The following SRD5A1 variants were observed in gnomAD, a reference collection of about 807,000 sequenced individuals.
SRD5A1 encodes the protein steroid 5 alpha-reductase 1.
In SRD5A1, 22 loss-of-function variants were observed where a neutral mutation model predicts 28.2. That is an observed-to-expected ratio of 0.78 (90% CI 0.56 to 1.12). The LOEUF (loss-of-function observed/expected upper bound fraction) is 1.12. Ranked by LOEUF, SRD5A1 falls within the 50% of genes most tolerant of loss-of-function variation. The probability of loss-of-function intolerance (pLI) is 0.00; values close to 1 mark genes in which losing one functional copy is unlikely to be tolerated. For missense variants in SRD5A1, 300 were observed against 346.7 expected (o/e 0.87, Z 1.07); for synonymous variants, 151 against 135.0 (o/e 1.12, Z -0.82).
intron 1 of SRD5A1, among the ~76,000 whole-genome samples, chr5:6,641,293 G>A (rs1018505875): frequency 3.3e-5 from 5 of 152,122 alleles, no homozygotes; most frequent in Admixed American, 6.5e-5. Flanking sequence ...CCCACCCCAC[G>A]CGAGTTCCAA....
At position 6,633,767 on chromosome 5, in the gene SRD5A1, T is replaced by C. The variant is rs1451887012; in HGVS notation, c.191T>C (p.Leu64Pro). 2 of 1,597,460 alleles carry C rather than the reference T, an allele frequency of 1.3e-6. No homozygotes were observed. The highest frequency in any genetic ancestry group is 2.2e-5 in the South Asian group (2 of 91,040). The change falls in exon 1 of 5, where the codon CTG (leucine) becomes CCG (proline). Residue 64 changes from leucine to proline, a missense_variant. Leu to Pro is a moderately conservative substitution (Grantham distance 98, BLOSUM62 -3). This residue lies in a region of SRD5A1 where 174 missense variants were observed against 160.9 expected (regional missense o/e 1.08). Transcript: ENST00000274192. ...AAWVVQELPS[L>P]ALPLYQYASE... ...TGGGTGGTGCAGGAGCTGCCCTCGCTGGCCCTGCCGCTCTACCAGTACGCC... is the reference window on the plus strand; with the variant it reads ...TGGGTGGTGCAGGAGCTGCCCTCGCCGGCCCTGCCGCTCTACCAGTACGCC...
At chr5:6,662,123 T>A (rs73737154) in intron 3 of SRD5A1, among the ~76,000 whole-genome samples, 5,872 of 152,190 alleles carry the variant, frequency 0.039, 241 homozygotes, top group African/African-American at 0.1. Flanking sequence ...CCTGGAGCAC[T>A]CCTGAGAGCA....
chr5:6,641,305 T>A (rs1193904352), intron 1 of SRD5A1, among the ~76,000 whole-genome samples: 1 of 152,152 alleles, frequency 6.6e-6, no homozygotes, highest in Non-Finnish European at 1.5e-5. Context: ...GAGTTCCAAA[T>A]TGGCCACAGT....
intron 2 of SRD5A1, among the ~76,000 whole-genome samples, chr5:6,652,799 A>C (rs1183111448): frequency 6.7e-6 from 1 of 148,302 alleles, no homozygotes; most frequent in Admixed American, 6.8e-5. Context: ...ACCTGAGGCC[A>C]GGAGATCAAG....
At chr5:6,649,195 CAG>C (rs1738593296) in intron 1 of SRD5A1, among the ~76,000 whole-genome samples, 1 of 152,206 alleles carries the variant, frequency 6.6e-6, no homozygotes, top group Admixed American at 6.5e-5. Flanking sequence ...TGTGGATACA[CAG>C]GGGGTCAGGG....
At chr5:6,653,299 C>A (rs1738733935) in intron 2 of SRD5A1, 1 of 152,186 alleles carries the variant, frequency 6.6e-6, no homozygotes, top group South Asian at 2.1e-4. Context: ...GAAGGCGTTT[C>A]AAGATCCTTT....
intron 1 of SRD5A1, among the ~76,000 whole-genome samples, chr5:6,642,892 A>C (rs1449725857): frequency 6.6e-6 from 1 of 152,246 alleles, no homozygotes; most frequent in African/African-American, 2.4e-5. Flanking sequence ...AACTGATGAT[A>C]GTTGAGTCCA....
intron 3 of SRD5A1, among the ~76,000 whole-genome samples, chr5:6,659,613 C>A (rs693651): frequency 0.079 from 12,061 of 152,124 alleles, 1,220 homozygotes; most frequent in African/African-American, 0.23. Context: ...AGGTACGCAC[C>A]CTATACCGGA....
At chr5:6,652,773 C>G (rs1204981453) in intron 2 of SRD5A1, among the ~76,000 whole-genome samples, 1 of 149,868 alleles carries the variant, frequency 6.7e-6, no homozygotes, top group African/African-American at 2.5e-5. Flanking sequence ...CTCAGAGGCA[C>G]TGAGGTGGGA....
chr5:6,654,316 C>CA (rs1738772324), intron 2 of SRD5A1, among the ~76,000 whole-genome samples: 1 of 152,138 alleles, frequency 6.6e-6, no homozygotes, highest in Non-Finnish European at 1.5e-5. Flanking sequence ...CTCAGCCTCC[C>CA]AAAGTGGTGG....
rs775364968 is a variant in SRD5A1 at position 6,669,695 on chromosome 5, A to T, written c.*1427A>T. The T allele has an allele frequency of 6.6e-6, 1 of 152,234 alleles. No homozygotes were observed. The allele number at this position is 152,234 out of a possible 1,614,324, so 9.4% of individuals were successfully genotyped here. ...ATTTGGAAAGGAGATTTCCTTTAAA[A>T]CAAACAAGCTTATTGGGAATGGCTT... On this transcript the variant is annotated 3_prime_UTR_variant, in exon 5 of 5. Coordinates refer to ENST00000274192, the MANE Select transcript of SRD5A1 (RefSeq NM_001047.4).
Position 6,662,695 on chromosome 5 carries a change from G to A in SRD5A1, c.563-121G>A, listed in dbSNP as rs1167339799. 9 of 1,107,140 alleles carry A rather than the reference G, an allele frequency of 8.1e-6. No homozygotes were observed. The South Asian group carries it at 8.9e-5, about 11-fold the overall frequency. The allele number at this position is 1,107,140 out of a possible 1,614,324, so 68.6% of individuals were successfully genotyped here. On this transcript the variant is annotated intron_variant, in intron 3 of 4. Coordinates refer to ENST00000274192, the MANE Select transcript of SRD5A1 (RefSeq NM_001047.4). ...GATATGTCTTACTGATTAACATTCT[G>A]TAAGGATAATATTTTTCCGTTCTTG...
rs984679686 is a variant in SRD5A1 at position 6,651,560 on chromosome 5, T to G, written c.294-282T>G. On this transcript the variant is annotated intron_variant, in intron 1 of 4. Coordinates refer to ENST00000274192, the MANE Select transcript of SRD5A1 (RefSeq NM_001047.4). ...TTGTAGTCCCAGCTACTCGAGAGGC[T>G]GGGACAGGAAGATCGCTTAAGCCCT... Among the ~76,000 whole-genome samples, 10 of 152,150 alleles carry G rather than the reference T, an allele frequency of 6.6e-5. No homozygotes were observed. The East Asian group carries it at 1.9e-3, about 29-fold the overall frequency.
intron 1 of SRD5A1, among the ~76,000 whole-genome samples, chr5:6,646,313 A>G (rs1579400116): frequency 6.6e-6 from 1 of 152,200 alleles, no homozygotes; most frequent in Non-Finnish European, 1.5e-5. Flanking sequence ...ATACGTGTAC[A>G]TGTGTCTTTA....
At chr5:6,647,288 A>T (rs1167642013) in intron 1 of SRD5A1, among the ~76,000 whole-genome samples, 1 of 152,200 alleles carries the variant, frequency 6.6e-6, no homozygotes, top group Admixed American at 6.5e-5. Context: ...GATGTCTACT[A>T]GGTCCACTTG....
In SRD5A1 at chr5:6,633,655, G is replaced by T. The variant is rs779478671; in HGVS notation, c.79G>T (p.Val27Phe). The change falls in exon 1 of 5, where the codon GTC becomes TTC. Residue 27 changes from valine to phenylalanine, a missense_variant. Around this residue, in one of 2 missense-constraint regions of SRD5A1, gnomAD observed 174 missense variants for 160.9 expected, o/e 1.08. Coordinates refer to ENST00000274192, the MANE Select transcript of SRD5A1 (RefSeq NM_001047.4). ...CCTGCAGTGCGCCGTGGGCTGCGCG[G>T]TCTTCGCGCGCAATCGTCAGACGAA... ...AYLQCAVGCA[V>F]FARNRQTNSV... 4 of 1,572,424 alleles carry T rather than the reference G, an allele frequency of 2.5e-6. No homozygotes were observed. In the Admixed American group the frequency reaches 7.1e-5, roughly 28 times the overall value.
At chr5:6,644,758 A>G in intron 1 of SRD5A1, 2 of 407,974 alleles carry the variant, frequency 4.9e-6, no homozygotes, top group Non-Finnish European at 9.8e-6. Flanking sequence ...ATGACAGTCC[A>G]AGAAGCCCAC....
chr5:6,638,829 T>G (rs1560993498), intron 1 of SRD5A1, among the ~76,000 whole-genome samples: 1 of 152,232 alleles, frequency 6.6e-6, no homozygotes, highest in Non-Finnish European at 1.5e-5. Flanking sequence ...AAGGAAAGGC[T>G]AGGTGAAAGG....
chr5:6,641,015 A>G (rs1050280281), intron 1 of SRD5A1, among the ~76,000 whole-genome samples: 3 of 152,092 alleles, frequency 2.0e-5, no homozygotes, highest in African/African-American at 7.2e-5. Context: ...TGCGAATGGG[A>G]TGGTGTAGGA....
Sources: gnomAD v4.1 joint callset for allele counts (sites outside exome capture counted in the v4.1 genomes callset) on GRCh38, gnomAD v4.1.1 for gene constraint, gnomAD v4.1.1 regional missense constraint, MANE v1.5 for transcripts, NCBI Gene and HGNC (gene_info 2026-07-23, HGNC 2026-07-21) for gene names.